PPARG: variants seen among roughly 807,000 people sequenced by gnomAD.
PPARG encodes peroxisome proliferator activated receptor gamma.
PPARG carries 17 observed loss-of-function variants against 39.2 expected under a neutral mutation model. That is an observed-to-expected ratio of 0.43 (90% confidence interval 0.30 to 0.65). The LOEUF (loss-of-function observed/expected upper bound fraction) is 0.65. PPARG is among the 30% of genes least tolerant of loss of function. PPARG has a pLI of 0.13. For missense variants in PPARG, 406 were observed against 585.9 expected (o/e 0.69, Z 3.17); for synonymous variants, 223 against 215.7 (o/e 1.03, Z -0.30).
chr3:12,384,782 T>C (rs887876782), intron 4 of PPARG, among the ~76,000 whole-genome samples: 2 of 152,164 alleles, frequency 1.3e-5, no homozygotes, highest in African/African-American at 2.4e-5. Flanking sequence ...CTACATGATG[T>C]AGGATGATGA....
At chr3:12,335,212 T>C (rs2047976235) in intron 2 of PPARG, among the ~76,000 whole-genome samples, 1 of 152,210 alleles carries the variant, frequency 6.6e-6, no homozygotes, top group Non-Finnish European at 1.5e-5. Flanking sequence ...TGTGTTGCCT[T>C]AGGTGGTGTT....
At chr3:12,412,607 G>A (rs1291876232) in intron 6 of PPARG, among the ~76,000 whole-genome samples, 2 of 152,082 alleles carry the variant, frequency 1.3e-5, no homozygotes, top group Middle Eastern at 3.4e-3. Flanking sequence ...TCTTCATTCC[G>A]TTCTGGTCTG....
At chr3:12,289,346 A>G (rs1286205640) in intron 1 of PPARG, among the ~76,000 whole-genome samples, 1 of 152,220 alleles carries the variant, frequency 6.6e-6, no homozygotes, top group Non-Finnish European at 1.5e-5. Context: ...GTCTGCCATG[A>G]AGAAACTAAA....
At chr3:12,351,459 A>G in intron 2 of PPARG, 1 of 718,442 alleles carries the variant, frequency 1.4e-6, no homozygotes, top group Non-Finnish European at 2.5e-6. Context: ...AATATTTGGA[A>G]ACTGATGTCT....
chr3:12,394,513 T>C (rs1319694200), intron 5 of PPARG, among the ~76,000 whole-genome samples: 1 of 152,208 alleles, frequency 6.6e-6, no homozygotes, highest in Non-Finnish European at 1.5e-5. Context: ...TATTTTGACT[T>C]CATATGACAA....
intron 4 of PPARG, among the ~76,000 whole-genome samples, chr3:12,390,668 TCTCA>T (rs2050044372): frequency 9.5e-6 from 1 of 105,352 alleles, no homozygotes; most frequent in South Asian, 3.4e-4. Flanking sequence ...TGAGACAATG[TCTCA>T]CTCTGTCACC....
chr3:12,393,227 G>A (rs1261455238), intron 5 of PPARG, among the ~76,000 whole-genome samples: 2 of 99,102 alleles, frequency 2.0e-5, no homozygotes, highest in Non-Finnish European at 3.9e-5. Flanking sequence ...TGTTTATTAT[G>A]CAAAGACGAG....
chr3:12,406,809 T>C (rs1406607253), intron 6 of PPARG: 1 of 152,164 alleles, frequency 6.6e-6, no homozygotes, highest in Admixed American at 6.6e-5. Context: ...AGATTCTAGA[T>C]ATTATGTTAC....
At chr3:12,406,557 T>TTTTTTTTTTTTTTTTTTTC (rs2050679424) in intron 6 of PPARG, 2 of 148,556 alleles carry the variant, frequency 1.3e-5, no homozygotes, top group African/African-American at 7.3e-5. Context: ...TTTTTTTTTT[T>TTTTTTTTTTTTTTTTTTTC]GAGATGTCGT....
chr3:12,338,164 A>C (rs1230242880), intron 2 of PPARG, among the ~76,000 whole-genome samples: 1 of 152,244 alleles, frequency 6.6e-6, no homozygotes, highest in Non-Finnish European at 1.5e-5. Flanking sequence ...ATGACTTAGA[A>C]AATGAATCTG....
chr3:12,378,734 C>A (rs1188523831), intron 2 of PPARG, among the ~76,000 whole-genome samples: 1 of 152,104 alleles, frequency 6.6e-6, no homozygotes, highest in Non-Finnish European at 1.5e-5. Context: ...TGGTCACCTT[C>A]TAAGGTGATC....
intron 2 of PPARG, among the ~76,000 whole-genome samples, chr3:12,358,420 A>G (rs1349846211): frequency 6.6e-6 from 1 of 152,218 alleles, no homozygotes; most frequent in Non-Finnish European, 1.5e-5. Context: ...ATGGAAGTTA[A>G]TACAGACATA....
At chr3:12,406,179 A>G (rs1452298060) in intron 6 of PPARG, 98 bp downstream of exon 6, 1 of 1,199,574 alleles carries the variant, frequency 8.3e-7, no homozygotes, top group Admixed American at 2.0e-5. Context: ...AAATGCACAC[A>G]CAGAATATTG....
At chr3:12,407,921 G>C (rs963861416) in intron 6 of PPARG, among the ~76,000 whole-genome samples, 1 of 152,012 alleles carries the variant, frequency 6.6e-6, no homozygotes, top group South Asian at 2.1e-4. Context: ...TGTTAGGTTC[G>C]AGCCACATGC....
At chr3:12,336,339 A>C (rs760140566) in intron 2 of PPARG, among the ~76,000 whole-genome samples, 1 of 152,144 alleles carries the variant, frequency 6.6e-6, no homozygotes, top group Non-Finnish European at 1.5e-5. Context: ...TCTTTTATGC[A>C]ACACTAACGT....
intron 7 of PPARG, among the ~76,000 whole-genome samples, chr3:12,431,329 A>G (rs1330278181): frequency 6.6e-6 from 1 of 152,238 alleles, no homozygotes; most frequent in Non-Finnish European, 1.5e-5. Flanking sequence ...GAACTATGAG[A>G]GTACCGTTTA....
rs539338764 is a variant in PPARG at position 12,351,512 on chromosome 3, T to C, written c.-8-28192T>C. The C allele has an allele frequency of 8.9e-5, 100 of 1,122,752 alleles. No homozygotes were observed. In the African/African-American group the frequency reaches 1.3e-3, roughly 15 times the overall value. The allele number at this position is 1,122,752 out of a possible 1,614,324, so 69.5% of individuals were successfully genotyped here. The stretch of plus-strand genomic sequence containing the variant: ...CACAAATTCTGTTACTTCAAGTCTT[T>C]TTCTTTTAACGGATTGATCTTTTGC... On this transcript the variant is annotated intron_variant, in intron 2 of 7. Transcript: ENST00000651735.
At chr3:12,331,026 A>G (rs1187528883) in intron 2 of PPARG, among the ~76,000 whole-genome samples, 1 of 152,218 alleles carries the variant, frequency 6.6e-6, no homozygotes, top group African/African-American at 2.4e-5. Flanking sequence ...TTACATTAGT[A>G]AGATGGAAGT....
At chr3:12,325,459 A>G (rs891824456) in intron 2 of PPARG, among the ~76,000 whole-genome samples, 1 of 151,104 alleles carries the variant, frequency 6.6e-6, no homozygotes, top group African/African-American at 2.4e-5. Flanking sequence ...AAAACGAGCC[A>G]GTGTCGTGGT....
Sources: allele counts gnomAD v4.1 joint callset (sites outside exome capture counted in the v4.1 genomes callset), GRCh38; gene constraint gnomAD v4.1.1; transcripts MANE v1.5; gene names NCBI Gene and HGNC (gene_info 2026-07-23, HGNC 2026-07-21).